The following PXT1 variants were observed in gnomAD, a reference collection of about 807,000 sequenced individuals.
PXT1 encodes the protein peroxisomal testis enriched protein 1, also known as peroxisomal testis-specific protein 1.
PXT1 carries 11 observed loss-of-function variants against 11.0 expected under a neutral mutation model. The observed-to-expected ratio is 1.00, with a 90% CI of 0.63 to 1.66. PXT1 has a LOEUF of 1.66. Among genes scored for constraint, PXT1 ranks in the 40% most tolerant of loss-of-function variants. PXT1 has a pLI of 0.00. For synonymous variants in PXT1, 43 were observed against 51.4 expected (o/e 0.84, Z 0.70); for missense variants, 141 against 155.5 (o/e 0.91, Z 0.49).
chr6:36,431,372 C>G (rs1410129247), intron 2 of PXT1, among the ~76,000 whole-genome samples: 1 of 152,126 alleles, frequency 6.6e-6, no homozygotes, highest in African/African-American at 2.4e-5. Context: ...TGCTCTGGAC[C>G]CTGGGGATAT....
intron 3 of PXT1, 101 bp from the exon 4 acceptor site, chr6:36,400,685 T>C: frequency 7.7e-7 from 1 of 1,293,030 alleles, no homozygotes; most frequent in Admixed American, 2.2e-5. Flanking sequence ...AATGAGAGGG[T>C]TGGCCAGATG....
chr6:36,418,636 C>T (rs1019243824), intron 3 of PXT1, among the ~76,000 whole-genome samples: 7 of 152,230 alleles, frequency 4.6e-5, no homozygotes, highest in Non-Finnish European at 7.3e-5. Context: ...AGAACCACTT[C>T]TGCTGAGTGG....
chr6:36,395,172 G>T (rs1002375408), intron 4 of PXT1, among the ~76,000 whole-genome samples: 7 of 152,174 alleles, frequency 4.6e-5, no homozygotes, highest in Non-Finnish European at 7.3e-5. Context: ...AAAAGACAGA[G>T]CACTTGCTTA....
chr6:36,423,885 A>AT (rs1374849379), intron 3 of PXT1, among the ~76,000 whole-genome samples: 1 of 152,202 alleles, frequency 6.6e-6, no homozygotes, highest in East Asian at 1.9e-4. Flanking sequence ...TTTGACATAT[A>AT]ACTCGCGTAT....
At chr6:36,392,121 G>C (rs897835390) in intron 4 of PXT1, 42 of 386,752 alleles carry the variant, frequency 1.1e-4, no homozygotes, top group Non-Finnish European at 1.8e-4. Flanking sequence ...TCAAACTCCT[G>C]GGCTCAAGTG....
chr6:36,408,558 C>T (rs1297710091), intron 3 of PXT1, among the ~76,000 whole-genome samples: 1 of 150,222 alleles, frequency 6.7e-6, no homozygotes, highest in East Asian at 2.0e-4. Flanking sequence ...CATGCCTGGA[C>T]TTGGTTAATC....
At chr6:36,417,421 T>C (rs1333282752) in intron 3 of PXT1, among the ~76,000 whole-genome samples, 11 of 151,740 alleles carry the variant, frequency 7.2e-5, no homozygotes. Flanking sequence ...TCATCTGCCA[T>C]GTCACGGAGT....
Position 36,390,653 on chromosome 6 carries a change from T to C in PXT1, c.*1117A>G, listed in dbSNP as rs1032730093. ...AAGATACATATGTAAACTTTTAATT[T>C]ATAACAACAAGCTTTCCTAATATTT... On this transcript the variant is annotated 3_prime_UTR_variant, in exon 5 of 5. Transcript: ENST00000454782. 6.6e-6 allele frequency: 1 copy of C among 152,208 alleles called. No individual in the cohort carries two copies. Among genetic ancestry groups the C allele is most frequent in the Non-Finnish European group, 1.5e-5 (1 of 68,042 alleles). 9.4% of individuals were successfully genotyped at this position (152,208 alleles called of 1,614,324 possible). A position where few individuals can be genotyped will look rare whatever the true frequency, so the allele number is the denominator to read the frequency against.
At chr6:36,437,945 G>A (rs1202000676) in intron 2 of PXT1, among the ~76,000 whole-genome samples, 4 of 148,644 alleles carry the variant, frequency 2.7e-5, no homozygotes, top group Non-Finnish European at 5.9e-5. Flanking sequence ...TCAGCCTCCC[G>A]AGTAGCTGGG....
chr6:36,417,841 T>TGG, intron 3 of PXT1, among the ~76,000 whole-genome samples: 1 of 151,734 alleles, frequency 6.6e-6, no homozygotes, highest in Non-Finnish European at 1.5e-5. Context: ...ATGCACATTA[T>TGG]TTAGAACACT....
intron 1 of PXT1, among the ~76,000 whole-genome samples, chr6:36,439,681 A>G (rs1246786531): frequency 1.3e-5 from 2 of 150,222 alleles, no homozygotes; most frequent in Non-Finnish European, 3.0e-5. Context: ...CATTCTCAGT[A>G]TTAGGTTCAA....
intron 4 of PXT1, among the ~76,000 whole-genome samples, chr6:36,398,935 C>A (rs972029803): frequency 6.6e-6 from 1 of 152,106 alleles, no homozygotes; most frequent in Non-Finnish European, 1.5e-5. Flanking sequence ...TTATCTGCCC[C>A]CTCCCCACAT....
intron 3 of PXT1, among the ~76,000 whole-genome samples, chr6:36,404,271 T>C (rs1774256839): frequency 6.6e-6 from 1 of 152,220 alleles, no homozygotes. Flanking sequence ...ATAACTGTGT[T>C]TCAGTCAACC....
intron 4 of PXT1, among the ~76,000 whole-genome samples, chr6:36,392,215 A>C (rs1202449510): frequency 6.6e-6 from 1 of 152,214 alleles, no homozygotes; most frequent in African/African-American, 2.4e-5. Flanking sequence ...TATTTTGTGC[A>C]GACAGGGTCT....
chr6:36,411,688 C>T lies in PXT1; in HGVS notation c.170-11104G>A, dbSNP rs549402484. 1.4e-3 allele frequency among the ~76,000 whole-genome samples: 208 copies of T among 151,730 alleles called. 1 individual carries two copies. Among genetic ancestry groups the T allele is most frequent in the African/African-American group, 4.6e-3 (190 of 41,374 alleles). On this transcript the variant is annotated intron_variant, in intron 3 of 4. Transcript: ENST00000454782. Reference sequence around the variant, plus strand: ...CCTACAAGGTGGCTCATGCCTGTAACCCCAGCACTGTGGGAGGCCAAGGCA... The same window carrying T: ...CCTACAAGGTGGCTCATGCCTGTAATCCCAGCACTGTGGGAGGCCAAGGCA...
At chr6:36,442,227 T>C (rs1774882813) in intron 1 of PXT1, among the ~76,000 whole-genome samples, 2 of 152,056 alleles carry the variant, frequency 1.3e-5, no homozygotes, top group South Asian at 2.1e-4. Context: ...CAGGGTTTCA[T>C]CATGTTGGCC....
At position 36,421,393 on chromosome 6, in the gene PXT1, C is replaced by T. The variant is rs191606837; in HGVS notation, c.169+4521G>A. Among the ~76,000 whole-genome samples, 32 of 152,066 alleles carry T rather than the reference C, an allele frequency of 2.1e-4. No individual in the cohort carries two copies. In the East Asian group the frequency reaches 6.2e-3, roughly 29 times the overall value. On this transcript the variant is annotated intron_variant, in intron 3 of 4. Transcript: ENST00000454782. The stretch of plus-strand genomic sequence containing the variant: ...GGAAGACCACTTGAGCCCAGGAGTT[C>T]GAGGCTGCCATGAGCTATGATCGCG...
intron 2 of PXT1, among the ~76,000 whole-genome samples, chr6:36,431,043 T>G (rs892788222): frequency 2.0e-5 from 3 of 152,250 alleles, no homozygotes; most frequent in Admixed American, 2.0e-4. Context: ...ATCAAACTCC[T>G]GACCTCAAGT....
chr6:36,391,782 G>A lies in PXT1; in HGVS notation c.393C>T (p.Asn131=). The change falls in exon 5 of 5, where the codon AAC becomes AAT. Residue 131 remains asparagine, a synonymous_variant. Transcript: ENST00000454782. The part of the protein sequence containing the change: ...VQVLLHFFWN[N]HLL ...CTTTACTTTCCTTTTACAGCAAATGGTTGTTCCAGAAAAAATGCAGCAACA... is the reference window on the plus strand; with the variant it reads ...CTTTACTTTCCTTTTACAGCAAATGATTGTTCCAGAAAAAATGCAGCAACA... 1.2e-6 allele frequency: 2 copies of A among 1,611,258 alleles called. No individual in the cohort carries two copies. Among genetic ancestry groups the A allele is most frequent in the South Asian group, 2.2e-5 (2 of 90,874 alleles).
Sources: gnomAD v4.1 joint callset for allele counts (sites outside exome capture counted in the v4.1 genomes callset) on GRCh38, gnomAD v4.1.1 for gene constraint, MANE v1.5 for transcripts, NCBI Gene and HGNC (gene_info 2026-07-23, HGNC 2026-07-21) for gene names.